The following ZFX variants were observed in gnomAD, a reference collection of about 807,000 sequenced individuals.
The protein encoded by ZFX is zinc finger protein X-linked, also known as zinc finger X-chromosomal protein.
For missense variants in ZFX, 362 were observed against 628.3 expected (o/e 0.58, Z 4.53); for synonymous variants, 196 against 226.8 (o/e 0.86, Z 1.22).
In ZFX at chrX:24,215,323, TAATC is replaced by T. The variant is rs745742974; in HGVS notation, c.*3951_*3954del. The T allele has an allele frequency of 5.0e-4, 56 of 112,095 alleles. No individual in the cohort carries two copies. The highest frequency in any genetic ancestry group is 1.7e-3 in the African/African-American group (52 of 30,884). 9.2% of individuals were successfully genotyped at this position (112,095 alleles called of 1,213,427 possible). On this transcript the variant is annotated 3_prime_UTR_variant, in exon 10 of 10. Coordinates refer to ENST00000304543, the MANE Select transcript of ZFX (RefSeq NM_003410.4). The stretch of plus-strand genomic sequence containing the variant: ...GCATTCATGTAAGGAAAAACATGGC[TAATC>T]AATATCTTAAAGGGGCAATCTTTCA...
intron 3 of ZFX, chrX:24,161,816 CA>C (rs1201845958): frequency 9.3e-6 from 1 of 107,297 alleles, no homozygotes; most frequent in Non-Finnish European, 1.9e-5. Flanking sequence ...TCTTCTGCCT[CA>C]GCCTCTCGAG....
intron 3 of ZFX, among the ~76,000 whole-genome samples, chrX:24,155,801 G>A (rs1038302074): frequency 3.6e-5 from 4 of 112,098 alleles, no homozygotes; most frequent in Non-Finnish European, 7.5e-5. Flanking sequence ...TGTATTTATC[G>A]GCCATCAGAG....
chrX:24,156,447 C>T (rs1040901795), intron 3 of ZFX, among the ~76,000 whole-genome samples: 1 of 110,763 alleles, frequency 9.0e-6, no homozygotes, highest in South Asian at 3.8e-4. Context: ...CGTTAATTCA[C>T]CGGAGTTTTT....
chrX:24,191,343 G>A (rs1181748008), intron 5 of ZFX, among the ~76,000 whole-genome samples: 2 of 111,107 alleles, frequency 1.8e-5, no homozygotes, highest in Non-Finnish European at 3.8e-5. Flanking sequence ...AGATCAGATC[G>A]TACCCAATTC....
intron 3 of ZFX, among the ~76,000 whole-genome samples, chrX:24,163,595 C>G (rs746843966): frequency 8.8e-4 from 93 of 105,855 alleles, no homozygotes; most frequent in Admixed American, 2.2e-3. Context: ...CCAGGCTGGT[C>G]TCGAACTCCT....
At chrX:24,156,338 TCA>T (rs1301419186) in intron 3 of ZFX, among the ~76,000 whole-genome samples, 1 of 112,116 alleles carries the variant, frequency 8.9e-6, no homozygotes, top group Non-Finnish European at 1.9e-5. Context: ...TAGCCAGTTC[TCA>T]GTTTTTTTCA....
intron 5 of ZFX, among the ~76,000 whole-genome samples, chrX:24,190,431 G>A (rs777133377): frequency 1.9e-4 from 21 of 112,022 alleles, no homozygotes; most frequent in Non-Finnish European, 3.6e-4. Context: ...TCAGTATAAT[G>A]TTCAATCTAG....
intron 5 of ZFX, among the ~76,000 whole-genome samples, chrX:24,199,453 G>T (rs372667274): frequency 2.7e-5 from 3 of 109,665 alleles, no homozygotes; most frequent in East Asian, 2.9e-4. Flanking sequence ...TAAGGGTCTC[G>T]CTGTGTTGCC....
chrX:24,152,937 G>A (rs1258644308), intron 3 of ZFX, 107 bp downstream of exon 3: 2 of 112,226 alleles, frequency 1.8e-5, no homozygotes, highest in Admixed American at 1.9e-4. Flanking sequence ...GAACACCTTC[G>A]AACCCAACCA....
chrX:24,150,567 G>C (rs965441990), intron 1 of ZFX: 7 of 113,200 alleles, frequency 6.2e-5, no homozygotes, highest in African/African-American at 2.2e-4. Context: ...GGCCACCGCC[G>C]CCGCCCGGAC....
chrX:24,177,623 C>T, intron 4 of ZFX: 1 of 660,735 alleles, frequency 1.5e-6, no homozygotes, highest in Non-Finnish European at 1.8e-6. Flanking sequence ...GTTGTCTTTC[C>T]TCCTCAACTG....
At chrX:24,152,430 G>A (rs1164455860) in intron 2 of ZFX, among the ~76,000 whole-genome samples, 1 of 111,597 alleles carries the variant, frequency 9.0e-6, no homozygotes, top group African/African-American at 3.3e-5. Context: ...ACCGTGCCCT[G>A]CCTGTTTCCT....
At chrX:24,172,363 G>C (rs1336014988) in intron 3 of ZFX, among the ~76,000 whole-genome samples, 2 of 111,709 alleles carry the variant, frequency 1.8e-5, no homozygotes, top group African/African-American at 6.5e-5. Context: ...AGAGTGCTGG[G>C]GTCTTAAAAG....
intron 5 of ZFX, among the ~76,000 whole-genome samples, chrX:24,198,341 C>G (rs1937056511): frequency 9.0e-6 from 1 of 110,990 alleles, no homozygotes; most frequent in South Asian, 3.9e-4. Context: ...CAGCTGGGAC[C>G]ACAGCCCCAT....
rs1373318701 is a variant in ZFX at position 24,161,456 on chromosome X, A to G, written c.-29+8626A>G. 3.6e-5 allele frequency among the ~76,000 whole-genome samples: 4 copies of G among 111,875 alleles called. No individual in the cohort carries two copies. The Admixed American group carries it at 3.8e-4, about 11-fold the overall frequency. Reference sequence around the variant, plus strand: ...AATGGCAAAGGCAATCTTGAGAAAAAGTTGGAAGACTTAACACTAACATAT... The same window carrying G: ...AATGGCAAAGGCAATCTTGAGAAAAGGTTGGAAGACTTAACACTAACATAT... On this transcript the variant is annotated intron_variant, in intron 3 of 9. Coordinates refer to ENST00000304543, the MANE Select transcript of ZFX (RefSeq NM_003410.4).
intron 7 of ZFX, 49 bp from the exon 8 acceptor site, chrX:24,208,169 G>C: frequency 8.4e-7 from 1 of 1,190,601 alleles, no homozygotes; most frequent in Non-Finnish European, 1.1e-6. Context: ...CGTGTTTCCT[G>C]TGATCTCTGT....
chrX:24,166,574 T>A (rs1025545072), intron 3 of ZFX, among the ~76,000 whole-genome samples: 2 of 112,126 alleles, frequency 1.8e-5, no homozygotes, highest in Non-Finnish European at 3.8e-5. Context: ...TGTTGATAGT[T>A]GTTGTAACCT....
intron 5 of ZFX, among the ~76,000 whole-genome samples, chrX:24,185,631 A>G (rs1284962307): frequency 2.7e-5 from 3 of 111,440 alleles, no homozygotes; most frequent in Non-Finnish European, 5.7e-5. Flanking sequence ...TTGTATTTTT[A>G]GTAGAGACAG....
In ZFX at chrX:24,215,327, CAAT is replaced by C. The variant is rs1160595706; in HGVS notation, c.*3953_*3955del. 2 of 111,805 alleles carry C rather than the reference CAAT, an allele frequency of 1.8e-5. No individual in the cohort carries two copies. Among genetic ancestry groups the C allele is most frequent in the Non-Finnish European group, 3.8e-5 (2 of 53,193 alleles). 9.2% of individuals were successfully genotyped at this position (111,805 alleles called of 1,213,427 possible). On this transcript the variant is annotated 3_prime_UTR_variant, in exon 10 of 10. Transcript: ENST00000304543. The stretch of plus-strand genomic sequence containing the variant: ...TCATGTAAGGAAAAACATGGCTAAT[CAAT>C]ATCTTAAAGGGGCAATCTTTCAGAG...
Sources: allele counts gnomAD v4.1 joint callset (sites outside exome capture counted in the v4.1 genomes callset), GRCh38; gene constraint gnomAD v4.1.1; transcripts MANE v1.5; gene names NCBI Gene and HGNC (gene_info 2026-07-23, HGNC 2026-07-21).